The following MRC1 variants were observed in gnomAD, a reference collection of about 807,000 sequenced individuals.
The protein encoded by MRC1 is macrophage mannose receptor 1.
MRC1 carries 62 observed loss-of-function variants against 102.9 expected under a neutral mutation model. The ratio of observed to expected loss-of-function variants is 0.60; its 90% CI spans 0.49 to 0.74. MRC1 has a LOEUF of 0.74. MRC1 is among the 30% of genes least tolerant of loss of function. The pLI is 0.00. For missense variants in MRC1, 1,237 were observed against 862.8 expected, an observed-to-expected ratio of 1.43 and a Z score of -5.43; for synonymous variants, 457 against 298.4, an observed-to-expected ratio of 1.53 and a Z score of -5.48.
At chr10:17,906,653 C>T (rs1833899782) in intron 26 of MRC1, among the ~76,000 whole-genome samples, 1 of 152,144 alleles carries the variant, frequency 6.6e-6, no homozygotes, top group Admixed American at 6.5e-5. Flanking sequence ...CTTTGACTAT[C>T]CTGCAGGAAC....
intron 20 of MRC1, 67 bp downstream of exon 20, chr10:17,880,737 C>G (rs1013093371): frequency 2.6e-6 from 2 of 777,264 alleles, no homozygotes; most frequent in East Asian, 2.4e-5. Context: ...TCTTTCAGCT[C>G]AAAGTTAACT....
chr10:17,841,423 C>T (rs962299581), intron 5 of MRC1, among the ~76,000 whole-genome samples: 14 of 152,096 alleles, frequency 9.2e-5, no homozygotes, highest in Non-Finnish European at 1.9e-4. Context: ...TATGATATTC[C>T]ATACTAGCAT....
intron 5 of MRC1, among the ~76,000 whole-genome samples, chr10:17,842,152 G>A (rs1337872448): frequency 6.6e-6 from 1 of 151,986 alleles, no homozygotes; most frequent in African/African-American, 2.4e-5. Context: ...TTGTAGTGAT[G>A]GGATTTCCCC....
intron 3 of MRC1, among the ~76,000 whole-genome samples, chr10:17,829,812 T>A (rs1838542133): frequency 6.6e-6 from 1 of 151,542 alleles, no homozygotes; most frequent in South Asian, 2.1e-4. Flanking sequence ...GAATGAAATG[T>A]GGAGGACAAG....
At chr10:17,839,557 C>T (rs1280807483) in intron 4 of MRC1, among the ~76,000 whole-genome samples, 3 of 151,614 alleles carry the variant, frequency 2.0e-5, no homozygotes, top group Non-Finnish European at 4.4e-5. Context: ...CCCTGTAGTC[C>T]CAGCTATTTA....
At chr10:17,889,357 A>G (rs1437862395) in intron 22 of MRC1, among the ~76,000 whole-genome samples, 3 of 151,992 alleles carry the variant, frequency 2.0e-5, no homozygotes, top group African/African-American at 4.8e-5. Context: ...TTACTTCAAT[A>G]TTTTGTATGA....
chr10:17,852,102 G>A (rs972654125), intron 7 of MRC1, among the ~76,000 whole-genome samples: 2 of 151,998 alleles, frequency 1.3e-5, no homozygotes, highest in Non-Finnish European at 2.9e-5. Context: ...TTATTTTTTA[G>A]CCATGACATC....
intron 11 of MRC1, among the ~76,000 whole-genome samples, chr10:17,864,420 C>T (rs924730577): frequency 3.2e-4 from 48 of 152,244 alleles, no homozygotes; most frequent in Middle Eastern, 3.4e-3. Context: ...ATTGCTCATG[C>T]GGAACTCATT....
chr10:17,896,090 G>T (rs1833751185), intron 23 of MRC1, among the ~76,000 whole-genome samples: 3 of 152,162 alleles, frequency 2.0e-5, no homozygotes, highest in Admixed American at 1.3e-4. Context: ...ACACAAAAGG[G>T]TCAGAAATTT....
At chr10:17,883,747 A>G (rs2130695426) in intron 21 of MRC1, among the ~76,000 whole-genome samples, 1 of 152,304 alleles carries the variant, frequency 6.6e-6, no homozygotes, top group South Asian at 2.1e-4. Flanking sequence ...TCAGTAGAGT[A>G]GGTACTTGTT....
chr10:17,820,596 A>G (rs969540370), intron 1 of MRC1, among the ~76,000 whole-genome samples: 23 of 152,216 alleles, frequency 1.5e-4, no homozygotes, highest in African/African-American at 5.3e-4. Flanking sequence ...GAAAATGGCC[A>G]AAGTATAAGG....
chr10:17,889,621 A>G (rs1213302550), intron 22 of MRC1, among the ~76,000 whole-genome samples: 13 of 152,224 alleles, frequency 8.5e-5, no homozygotes, highest in Non-Finnish European at 1.9e-4. Flanking sequence ...TTTGCAGTAT[A>G]TATTTACAAC....
At chr10:17,817,134 C>T (rs1379888931) in intron 1 of MRC1, among the ~76,000 whole-genome samples, 2 of 151,646 alleles carry the variant, frequency 1.3e-5, no homozygotes, top group African/African-American at 2.4e-5. Context: ...CCTATAGTCC[C>T]AGCTCCTGAG....
intron 14 of MRC1, among the ~76,000 whole-genome samples, chr10:17,871,416 C>G (rs1309706779): frequency 2.6e-5 from 4 of 152,084 alleles, no homozygotes; most frequent in African/African-American, 9.7e-5. Context: ...AGTCCAGAAC[C>G]CCGTGGGTTA....
intron 1 of MRC1, among the ~76,000 whole-genome samples, chr10:17,814,924 C>A (rs1554837709): frequency 6.6e-6 from 1 of 151,978 alleles, no homozygotes; most frequent in East Asian, 1.9e-4. Flanking sequence ...CCTTGCCCTC[C>A]CAAAGTGCCG....
intron 24 of MRC1, among the ~76,000 whole-genome samples, chr10:17,899,274 A>T (rs1833797470): frequency 1.3e-5 from 2 of 152,224 alleles, no homozygotes; most frequent in African/African-American, 4.8e-5. Context: ...TCTGTGATTA[A>T]ATTTAGGCAA....
chr10:17,843,130 T>C (rs1838775186), intron 5 of MRC1, among the ~76,000 whole-genome samples: 1 of 152,156 alleles, frequency 6.6e-6, no homozygotes, highest in South Asian at 2.1e-4. Flanking sequence ...AAACCACTAG[T>C]TGATGTCTCA....
At chr10:17,809,606 G>T in intron 1 of MRC1, 80 bp downstream of exon 1, 1 of 844,100 alleles carries the variant, frequency 1.2e-6, no homozygotes, top group South Asian at 1.3e-5. Flanking sequence ...CTGTGAATGG[G>T]TTCCTTTCAA....
chr10:17,881,746 A>G (rs1288140266), intron 21 of MRC1, among the ~76,000 whole-genome samples: 1 of 139,502 alleles, frequency 7.2e-6, no homozygotes, highest in Non-Finnish European at 1.5e-5. Flanking sequence ...GCAGCCTCGA[A>G]CTCCTAAGCT....
Sources: allele counts gnomAD v4.1 joint callset (sites outside exome capture counted in the v4.1 genomes callset), GRCh38; gene constraint gnomAD v4.1.1; transcripts MANE v1.5; gene names NCBI Gene and HGNC (gene_info 2026-07-23, HGNC 2026-07-21).